AFF2: variants seen among roughly 807,000 people sequenced by gnomAD.
The protein encoded by AFF2 is AF4/FMR2 family member 2.
In AFF2, 14 loss-of-function variants were observed where a neutral mutation model predicts 76.9. The observed-to-expected ratio is 0.18, with a 90% CI of 0.12 to 0.28. AFF2 has a LOEUF of 0.28. AFF2 is among the 10% of genes least tolerant of loss of function. The pLI, the probability that AFF2 is intolerant of heterozygous loss-of-function variation, is 1.00. For synonymous variants in AFF2, 398 were observed against 366.7 expected (o/e 1.09, Z -0.98); for missense variants, 868 against 1,001.1 (o/e 0.87, Z 1.79).
chrX:148,896,191 T>C (rs1451957375), intron 8 of AFF2, among the ~76,000 whole-genome samples: 6 of 111,020 alleles, frequency 5.4e-5, no homozygotes, highest in Non-Finnish European at 9.4e-5. Flanking sequence ...GGGGAGCAGG[T>C]GTGTTATGAA....
At chrX:148,806,668 G>C (rs192749224) in intron 3 of AFF2, among the ~76,000 whole-genome samples, 1 of 112,055 alleles carries the variant, frequency 8.9e-6, no homozygotes, top group African/African-American at 3.2e-5. Flanking sequence ...AAATGGGAGA[G>C]CTGATGAATA....
intron 20 of AFF2, among the ~76,000 whole-genome samples, chrX:148,990,177 A>G (rs2052057): frequency 0.04 from 4,538 of 112,451 alleles, 216 homozygotes; most frequent in African/African-American, 0.14. Flanking sequence ...GAAGGATCCC[A>G]TATGTTATAT....
At chrX:148,813,511 G>T (rs1176339316) in intron 4 of AFF2, among the ~76,000 whole-genome samples, 1 of 111,920 alleles carries the variant, frequency 8.9e-6, no homozygotes, top group African/African-American at 3.2e-5. Flanking sequence ...GTAATGTGTT[G>T]TCTATTGCAT....
intron 3 of AFF2, among the ~76,000 whole-genome samples, chrX:148,721,830 C>T (rs1315953139): frequency 8.9e-6 from 1 of 111,790 alleles, no homozygotes; most frequent in Non-Finnish European, 1.9e-5. Context: ...TTTGGTAGCC[C>T]CGGGCGTTGC....
intron 1 of AFF2, among the ~76,000 whole-genome samples, chrX:148,641,412 A>G (rs957044292): frequency 4.5e-5 from 5 of 111,830 alleles, no homozygotes; most frequent in Non-Finnish European, 9.4e-5. Flanking sequence ...GTTCTTTCAG[A>G]CATAGCAGGA....
intron 3 of AFF2, among the ~76,000 whole-genome samples, chrX:148,702,326 T>C (rs1394563321): frequency 1.8e-5 from 2 of 111,950 alleles, no homozygotes; most frequent in Non-Finnish European, 3.8e-5. Context: ...GTAATGGCAG[T>C]TCCATTAGAA....
intron 3 of AFF2, among the ~76,000 whole-genome samples, chrX:148,694,046 A>G (rs2124505428): frequency 9.1e-6 from 1 of 109,633 alleles, no homozygotes; most frequent in South Asian, 4.0e-4. Flanking sequence ...GGAAATCATC[A>G]TTCTCAGTAA....
intron 1 of AFF2, among the ~76,000 whole-genome samples, chrX:148,606,744 C>A (rs781878239): frequency 9.0e-6 from 1 of 111,721 alleles, no homozygotes; most frequent in Admixed American, 9.5e-5. Context: ...GTAGGCACTT[C>A]AGGACTTTGC....
intron 19 of AFF2, among the ~76,000 whole-genome samples, chrX:148,984,744 C>A (rs2072442776): frequency 8.9e-6 from 1 of 111,755 alleles, no homozygotes; most frequent in African/African-American, 3.3e-5. Context: ...GTAAAAAGGG[C>A]TTTTCAAGAT....
intron 1 of AFF2, among the ~76,000 whole-genome samples, chrX:148,502,431 C>T (rs1486046586): frequency 8.9e-6 from 1 of 112,102 alleles, no homozygotes; most frequent in Non-Finnish European, 1.9e-5. Context: ...GTTGCAAATC[C>T]AAGATAGTCA....
chrX:148,753,653 G>A (rs1557266669), intron 3 of AFF2, among the ~76,000 whole-genome samples: 3 of 112,061 alleles, frequency 2.7e-5, no homozygotes, highest in South Asian at 7.4e-4. Flanking sequence ...TTAATCTCCT[G>A]TAGCTATGAT....
intron 3 of AFF2, among the ~76,000 whole-genome samples, chrX:148,784,724 C>A (rs1181715138): frequency 4.5e-5 from 5 of 111,967 alleles, no homozygotes; most frequent in Admixed American, 9.4e-5. Flanking sequence ...CTCAATTGCA[C>A]CTGCAAATCA....
chrX:148,840,351 G>A (rs1226848503), intron 5 of AFF2, among the ~76,000 whole-genome samples: 1 of 112,041 alleles, frequency 8.9e-6, no homozygotes, highest in Non-Finnish European at 1.9e-5. Flanking sequence ...TTGGAACCCA[G>A]TCACACCCAC....
intron 3 of AFF2, among the ~76,000 whole-genome samples, chrX:148,807,222 G>A (rs925738545): frequency 5.4e-5 from 6 of 111,864 alleles, no homozygotes; most frequent in Non-Finnish European, 1.1e-4. Flanking sequence ...ATTTCAAAGA[G>A]TAGAGATGAT....
At chrX:148,899,001 A>C (rs1474211742) in intron 8 of AFF2, among the ~76,000 whole-genome samples, 1 of 112,138 alleles carries the variant, frequency 8.9e-6, no homozygotes, top group African/African-American at 3.2e-5. Context: ...CTAGAGGTTC[A>C]AGGTTCAAAT....
At chrX:148,712,393 T>TA (rs782372495) in intron 3 of AFF2, among the ~76,000 whole-genome samples, 1 of 111,373 alleles carries the variant, frequency 9.0e-6, no homozygotes, top group African/African-American at 3.3e-5. Flanking sequence ...ATTTCATATA[T>TA]AAAAAAATCT....
chrX:148,827,080 T>C (rs1396429204), intron 4 of AFF2, among the ~76,000 whole-genome samples: 1 of 111,508 alleles, frequency 9.0e-6, no homozygotes, highest in Non-Finnish European at 1.9e-5. Context: ...CCTGGCACTG[T>C]GATTCTAAGA....
intron 3 of AFF2, among the ~76,000 whole-genome samples, chrX:148,737,727 C>T (rs1416225561): frequency 9.0e-6 from 1 of 111,404 alleles, no homozygotes; most frequent in South Asian, 3.8e-4. Flanking sequence ...CAACTTTTCC[C>T]CATTCAGTAT....
At chrX:148,865,863 G>A (rs1557276817) in intron 7 of AFF2, among the ~76,000 whole-genome samples, 1 of 111,887 alleles carries the variant, frequency 8.9e-6, no homozygotes, top group Non-Finnish European at 1.9e-5. Context: ...ACTAGGAAGA[G>A]CAAGATTCAG....
Sources: gnomAD v4.1 joint callset for allele counts (sites outside exome capture counted in the v4.1 genomes callset) on GRCh38, gnomAD v4.1.1 for gene constraint, MANE v1.5 for transcripts, NCBI Gene and HGNC (gene_info 2026-07-23, HGNC 2026-07-21) for gene names.